Variants in UNC45B observed in about 807,000 individuals in gnomAD.
UNC45B encodes unc-45 myosin chaperone B, also known as protein unc-45 homolog B.
In UNC45B, 78 loss-of-function variants were observed where a neutral mutation model predicts 98.7. The observed-to-expected ratio is 0.79, with a 90% CI of 0.66 to 0.95. The LOEUF (loss-of-function observed/expected upper bound fraction) is 0.95, where lower values mean the gene tolerates loss of function less well. Among genes scored for constraint, UNC45B ranks in the 40% least tolerant of loss-of-function variants. UNC45B has a pLI of 0.00. For synonymous variants in UNC45B, 462 were observed against 480.4 expected, an observed-to-expected ratio of 0.96 and a Z score of 0.50; for missense variants, 1,225 against 1,184.9, an observed-to-expected ratio of 1.03 and a Z score of -0.50.
At chr17:35,165,472 TAAA>T (rs1038982183) in intron 9 of UNC45B, among the ~76,000 whole-genome samples, 1 of 152,220 alleles carries the variant, frequency 6.6e-6, no homozygotes, top group African/African-American at 2.4e-5. Context: ...GCTGCATGCT[TAAA>T]AGCACTCCAG....
chr17:35,156,258 T>C (rs1231582114), intron 7 of UNC45B, among the ~76,000 whole-genome samples: 1 of 152,198 alleles, frequency 6.6e-6, no homozygotes, highest in East Asian at 1.9e-4. Context: ...ATGAAAAACA[T>C]TCTGTGGATA....
rs773327793 is a variant in UNC45B at position 35,164,188 on chromosome 17, C to G, written c.1151+22C>G. Reference sequence around the variant, plus strand: ...TCACGTAAGTTTCCTGGAGGCCTCACAGGGTCAGGCTCTGTCTTGGTTATC... The same window carrying G: ...TCACGTAAGTTTCCTGGAGGCCTCAGAGGGTCAGGCTCTGTCTTGGTTATC... On this transcript the variant is annotated intron_variant, in intron 9 of 19. Coordinates refer to ENST00000394570, the MANE Select transcript of UNC45B (RefSeq NM_001267052.2). The G allele has an allele frequency of 1.9e-6, 3 of 1,596,610 alleles. No homozygotes were observed. The East Asian group carries it at 6.8e-5, about 36-fold the overall frequency.
chr17:35,164,693 AG>A (rs1180255650), intron 9 of UNC45B: 2 of 152,214 alleles, frequency 1.3e-5, no homozygotes, highest in Non-Finnish European at 2.9e-5. Flanking sequence ...TTTTGAAGGC[AG>A]GGGTGTCAAC....
In UNC45B at chr17:35,183,563, G is replaced by A; in HGVS notation, c.2510G>A (p.Cys837Tyr). The change falls in exon 19 of 20, where the codon TGC (cysteine) becomes TAC (tyrosine). Residue 837 changes from cysteine (C) to tyrosine (Y), a missense_variant. Cys to Tyr is a radical substitution (Grantham distance 194). Transcript: ENST00000394570. ...CTGACAGCAGCACACAAGAAACTGTGCCTCAAGATGACTCAAGTGGTAAGA... is the reference window on the plus strand; with the variant it reads ...CTGACAGCAGCACACAAGAAACTGTACCTCAAGATGACTCAAGTGGTAAGA... ...AMLTAAHKKL[C>Y]LKMTQVTTQW... 3.8e-6 allele frequency: 6 copies of A among 1,574,156 alleles called. No homozygotes were observed. The highest frequency in any genetic ancestry group is 5.2e-6 in the Non-Finnish European group (6 of 1,160,278).
chr17:35,178,388 T>A (rs574247558), intron 17 of UNC45B, among the ~76,000 whole-genome samples: 1 of 152,352 alleles, frequency 6.6e-6, no homozygotes, highest in South Asian at 2.1e-4. Context: ...TTGATGCGGT[T>A]GTTTTTTTCT....
chr17:35,174,478 T>G, intron 14 of UNC45B, 109 bp downstream of exon 14: 7 of 1,431,070 alleles, frequency 4.9e-6, no homozygotes, highest in East Asian at 2.4e-5. Context: ...AATGAGGAGA[T>G]AAACTATTGG....
chr17:35,151,572 G>C (rs1431769502), intron 4 of UNC45B, among the ~76,000 whole-genome samples: 1 of 152,150 alleles, frequency 6.6e-6, no homozygotes, highest in Non-Finnish European at 1.5e-5. Context: ...TCAGCTGCTA[G>C]TTTTTGTGGG....
chr17:35,171,447 C>G lies in UNC45B; in HGVS notation c.1815C>G (p.Pro605=). 6.2e-7 allele frequency: 1 copy of G among 1,614,090 alleles called. No homozygotes were observed. The highest frequency in any genetic ancestry group is 8.5e-7 in the Non-Finnish European group (1 of 1,179,982). Residue 605 remains proline, a synonymous_variant, in exon 13 of 20, where the codon CCC becomes CCG. Transcript: ENST00000394570. ...CCAAGTTCTCCAAGCAGCATGTGCC[C>G]GAGGAACACCCCAAGGTAGGGTCAG... ...QLAKFSKQHV[P]EEHPKDKKDF...
At chr17:35,170,057 C>T in intron 11 of UNC45B, 57 bp from the exon 12 acceptor site, 1 of 1,601,182 alleles carries the variant, frequency 6.2e-7, no homozygotes, top group Non-Finnish European at 8.5e-7. Context: ...GAAATCGCTT[C>T]ACCCTCTTGA....
Position 35,165,676 on chromosome 17 carries a change from G to A in UNC45B, c.1151+1510G>A, listed in dbSNP as rs183452362. On this transcript the variant is annotated intron_variant, in intron 9 of 19. Coordinates refer to ENST00000394570, the MANE Select transcript of UNC45B (RefSeq NM_001267052.2). ...AAGCTGGCTGGGCACAGTGGCTCAC[G>A]CCTGTAATCCCAGCACTTTGGGATG... Among the ~76,000 whole-genome samples, 13 of 152,226 alleles carry A rather than the reference G, an allele frequency of 8.5e-5. No homozygotes were observed. In the East Asian group the frequency reaches 2.3e-3, roughly 27 times the overall value.
At chr17:35,175,084 A>AG (rs2092221911) in intron 14 of UNC45B, among the ~76,000 whole-genome samples, 2 of 88,768 alleles carry the variant, frequency 2.3e-5, no homozygotes, top group Non-Finnish European at 4.8e-5. Flanking sequence ...AGAAAGAAAG[A>AG]AAGAGAAAGA....
intron 15 of UNC45B, 89 bp downstream of exon 15, chr17:35,176,123 C>T: frequency 7.5e-7 from 1 of 1,339,820 alleles, no homozygotes; most frequent in Non-Finnish European, 1.1e-6. Context: ...CCAACTCGAC[C>T]TCCTGGAATA....
At chr17:35,179,962 G>C (rs961454590) in intron 17 of UNC45B, among the ~76,000 whole-genome samples, 1 of 152,102 alleles carries the variant, frequency 6.6e-6, no homozygotes, top group Non-Finnish European at 1.5e-5. Context: ...TTGGAAGCAG[G>C]AGTATGTCAG....
intron 8 of UNC45B, 104 bp from the exon 9 acceptor site, chr17:35,163,891 G>A (rs919444092): frequency 7.7e-7 from 1 of 1,292,642 alleles, no homozygotes; most frequent in African/African-American, 1.5e-5. Flanking sequence ...GTTTTCTACA[G>A]ACAGGGCTGG....
intron 7 of UNC45B, among the ~76,000 whole-genome samples, chr17:35,156,222 T>A (rs1036975262): frequency 9.9e-5 from 15 of 152,206 alleles, no homozygotes; most frequent in African/African-American, 3.6e-4. Context: ...TATTTTCTAA[T>A]GGGGACAAAG....
chr17:35,167,188 G>C (rs1028479892), intron 9 of UNC45B, among the ~76,000 whole-genome samples: 1 of 152,180 alleles, frequency 6.6e-6, no homozygotes, highest in South Asian at 2.1e-4. Context: ...TTGTGTTGTT[G>C]TCAATGCTGT....
intron 17 of UNC45B, 89 bp from the exon 18 acceptor site, chr17:35,180,470 A>G: frequency 1.0e-6 from 1 of 979,806 alleles, no homozygotes; most frequent in Non-Finnish European, 1.6e-6. Flanking sequence ...CAGCACCAGA[A>G]TGGAAGAATG....
chr17:35,153,054 G>A, intron 5 of UNC45B, 72 bp downstream of exon 5: 8 of 1,358,022 alleles, frequency 5.9e-6, no homozygotes, highest in Non-Finnish European at 8.2e-6. Flanking sequence ...ATTCCGAGGG[G>A]GAAGGGGGAC....
In UNC45B at chr17:35,170,928, T is replaced by A. The variant is rs62062415; in HGVS notation, c.1690-394T>A. 2.7e-3 allele frequency among the ~76,000 whole-genome samples: 411 copies of A among 152,094 alleles called. 1 individual carries two copies. The highest frequency in any genetic ancestry group is 5.0e-3 in the Non-Finnish European group (339 of 67,970). On this transcript the variant is annotated intron_variant, in intron 12 of 19. Coordinates refer to ENST00000394570, the MANE Select transcript of UNC45B (RefSeq NM_001267052.2). ...CCCCCAGACTCCTTTCCTCATCTGC[T>A]GGGCCAACTCCCTGGCCCTTTTCTA...
Sources: allele counts gnomAD v4.1 joint callset (sites outside exome capture counted in the v4.1 genomes callset), GRCh38; gene constraint gnomAD v4.1.1; transcripts MANE v1.5; gene names NCBI Gene and HGNC (gene_info 2026-07-23, HGNC 2026-07-21).